PTPRD: variants seen among roughly 807,000 people sequenced by gnomAD.
PTPRD encodes the protein protein tyrosine phosphatase receptor type D, also known as receptor-type tyrosine-protein phosphatase delta.
A neutral mutation model predicts 214.5 loss-of-function variants in PTPRD; 34 were observed. That is an observed-to-expected ratio of 0.16 (90% CI 0.12 to 0.21). The LOEUF (loss-of-function observed/expected upper bound fraction) is 0.21. PTPRD is among the 10% of genes least tolerant of loss of function. PTPRD has a pLI of 1.00. For missense variants in PTPRD, 2,545 were observed against 2,398.7 expected, an observed-to-expected ratio of 1.06 and a Z score of -1.27; for synonymous variants, 1,128 against 845.7, an observed-to-expected ratio of 1.33 and a Z score of -5.79.
chr9:9,629,726 G>C (rs1038845155), intron 7 of PTPRD, among the ~76,000 whole-genome samples: 6 of 152,150 alleles, frequency 3.9e-5, no homozygotes, highest in African/African-American at 1.4e-4. Context: ...AGAGGAAAAT[G>C]TCTTTTGGGG....
At chr9:9,624,086 C>T (rs141384530) in intron 7 of PTPRD, among the ~76,000 whole-genome samples, 22 of 152,236 alleles carry the variant, frequency 1.4e-4, no homozygotes, top group African/African-American at 5.1e-4. Context: ...TCGTCATAAT[C>T]AAATGTCCTT....
At chr9:8,630,157 A>C (rs1228395641) in intron 14 of PTPRD, among the ~76,000 whole-genome samples, 2 of 151,860 alleles carry the variant, frequency 1.3e-5, no homozygotes, top group Non-Finnish European at 1.5e-5. Context: ...TTGTCAGTAA[A>C]GCAGGGAGAA....
intron 9 of PTPRD, among the ~76,000 whole-genome samples, chr9:9,243,986 T>C (rs1398418954): frequency 6.6e-6 from 1 of 152,182 alleles, no homozygotes; most frequent in Non-Finnish European, 1.5e-5. Context: ...AGCATTCTTA[T>C]ACACCAATAA....
In PTPRD at chr9:8,748,229, G is replaced by A. The variant is rs1322000466; in HGVS notation, c.-103-14283C>T. 2.6e-5 allele frequency among the ~76,000 whole-genome samples: 4 copies of A among 152,214 alleles called. 1 individual carries two copies. The highest frequency in any genetic ancestry group is 3.4e-3 in the Middle Eastern group (1 of 294). ...CAGGACTAGCTGGATTTCCTAGGCG[G>A]AATAAGAATCCCTAAGCCTAGCTGG... On this transcript the variant is annotated intron_variant, in intron 11 of 45. Coordinates refer to ENST00000381196, the MANE Select transcript of PTPRD (RefSeq NM_002839.4).
At chr9:9,461,372 CT>C (rs1317472750) in intron 8 of PTPRD, among the ~76,000 whole-genome samples, 6 of 151,962 alleles carry the variant, frequency 3.9e-5, no homozygotes, top group Non-Finnish European at 7.4e-5. Context: ...GAGAAGTTGT[CT>C]GTATTTTTTA....
At chr9:9,224,935 A>G (rs184891338) in intron 9 of PTPRD, among the ~76,000 whole-genome samples, 3 of 152,124 alleles carry the variant, frequency 2.0e-5, no homozygotes, top group Admixed American at 2.0e-4. Context: ...TTTTCCCCAA[A>G]AAATCAGTTT....
intron 4 of PTPRD, among the ~76,000 whole-genome samples, chr9:9,940,645 A>C (rs1467497307): frequency 6.6e-6 from 1 of 152,178 alleles, no homozygotes; most frequent in Non-Finnish European, 1.5e-5. Context: ...ATATTAACAA[A>C]AGTGTCAACA....
At position 9,328,618 on chromosome 9, in the gene PTPRD, C is replaced by CTTTTTTTTTTTT. The variant is rs869076374; in HGVS notation, c.-203+68819_-203+68830dup. On this transcript the variant is annotated intron_variant, in intron 9 of 45. Transcript: ENST00000381196. ...ACATTTTCTTTTGTTGTTGTTCTTGCTTTTTTTTTTTTTTTTTTTTTTTTT... is the reference window on the plus strand; with the variant it reads ...ACATTTTCTTTTGTTGTTGTTCTTGCTTTTTTTTTTTTTTTTTTTTTTTTTTTTTTTTTTTTT... 2.8e-4 allele frequency among the ~76,000 whole-genome samples: 8 copies of CTTTTTTTTTTTT among 28,228 alleles called. 1 individual carries two copies. Among genetic ancestry groups the CTTTTTTTTTTTT allele is most frequent in the Admixed American group, 5.8e-4 (1 of 1,722 alleles). The allele number at this position is 28,228 out of a possible 152,430, so 18.5% of individuals were successfully genotyped here. A position where few individuals can be genotyped will look rare whatever the true frequency, so the allele number is the denominator to read the frequency against.
chr9:8,372,200 A>G (rs2081764115), intron 39 of PTPRD, among the ~76,000 whole-genome samples: 1 of 152,028 alleles, frequency 6.6e-6, no homozygotes, highest in Non-Finnish European at 1.5e-5. Context: ...AATGATTTGG[A>G]TGTTTATAAA....
intron 10 of PTPRD, among the ~76,000 whole-genome samples, chr9:9,021,918 T>G (rs534767594): frequency 6.7e-6 from 1 of 149,098 alleles, no homozygotes; most frequent in Non-Finnish European, 1.5e-5. Flanking sequence ...AATCTTAGCT[T>G]ACAATGAGAA....
At chr9:9,567,504 T>C (rs1246168154) in intron 8 of PTPRD, among the ~76,000 whole-genome samples, 1 of 152,030 alleles carries the variant, frequency 6.6e-6, no homozygotes, top group African/African-American at 2.4e-5. Context: ...TCCTAAGCAA[T>C]CACCTGTTTA....
intron 5 of PTPRD, among the ~76,000 whole-genome samples, chr9:9,855,934 G>T (rs1222892914): frequency 1.3e-5 from 2 of 152,164 alleles, no homozygotes; most frequent in Admixed American, 1.3e-4. Flanking sequence ...GGGTAAAGGG[G>T]CCAGTGTGAC....
intron 3 of PTPRD, among the ~76,000 whole-genome samples, chr9:10,073,579 CAAAGCTG>C (rs1479115357): frequency 2.0e-5 from 3 of 151,964 alleles, no homozygotes; most frequent in African/African-American, 7.2e-5. Flanking sequence ...CTAAAAATCC[CAAAGCTG>C]AAAGATGGCA....
At chr9:9,384,343 C>CTTTTTGTTTTTTTT (rs2063210342) in intron 9 of PTPRD, among the ~76,000 whole-genome samples, 1 of 33,316 alleles carries the variant, frequency 3.0e-5, no homozygotes, top group Non-Finnish European at 7.0e-5. Context: ...GAAGACTAGG[C>CTTTTTGTTTTTTTT]TTTTTTTTTT....
At chr9:9,842,565 A>G (rs889178242) in intron 5 of PTPRD, among the ~76,000 whole-genome samples, 1 of 152,062 alleles carries the variant, frequency 6.6e-6, no homozygotes, top group African/African-American at 2.4e-5. Context: ...GTCAGTATTA[A>G]TTATAAAACT....
chr9:8,835,055 G>A (rs2097384835), intron 11 of PTPRD, among the ~76,000 whole-genome samples: 1 of 152,170 alleles, frequency 6.6e-6, no homozygotes, highest in African/African-American at 2.4e-5. Context: ...AGGACCCCAG[G>A]TTAAAGTCAG....
intron 3 of PTPRD, among the ~76,000 whole-genome samples, chr9:10,290,888 T>C (rs2095507410): frequency 6.6e-6 from 1 of 152,126 alleles, no homozygotes; most frequent in East Asian, 1.9e-4. Flanking sequence ...CAGATACTGT[T>C]GAATATAAAA....
chr9:8,794,361 G>A (rs2096341143), intron 11 of PTPRD, among the ~76,000 whole-genome samples: 1 of 152,110 alleles, frequency 6.6e-6, no homozygotes, highest in African/African-American at 2.4e-5. Context: ...ACATACTGCT[G>A]CCCGTTAGGT....
Position 9,938,603 on chromosome 9 carries a change from T to C in PTPRD, c.-464A>G, listed in dbSNP as rs978329817. 6.6e-6 allele frequency: 1 copy of C among 152,126 alleles called. No homozygotes were observed. Among genetic ancestry groups the C allele is most frequent in the African/African-American group, 2.4e-5 (1 of 41,424 alleles). 9.4% of individuals were successfully genotyped at this position (152,126 alleles called of 1,614,324 possible). On this transcript the variant is annotated 5_prime_UTR_variant, in exon 5 of 46. Transcript: ENST00000381196. ...CGGGCCAGGAACTGCTTGCCTTTTA[T>C]TTTCCACCTGGAACAAAACATAGTG...
Sources: allele counts gnomAD v4.1 joint callset (sites outside exome capture counted in the v4.1 genomes callset), GRCh38; gene constraint gnomAD v4.1.1; transcripts MANE v1.5; gene names NCBI Gene and HGNC (gene_info 2026-07-23, HGNC 2026-07-21).